The following TMEM108 variants were observed in gnomAD, a reference collection of about 807,000 sequenced individuals.
The protein encoded by TMEM108 is transmembrane protein 108.
A neutral mutation model predicts 35.1 loss-of-function variants in TMEM108; 12 were observed. That is an observed-to-expected ratio of 0.34 (90% CI 0.22 to 0.55). The LOEUF is 0.55. TMEM108 is among the 20% of genes least tolerant of loss of function. The pLI, the probability that TMEM108 is intolerant of heterozygous loss-of-function variation, is 0.89. For synonymous variants in TMEM108, 287 were observed against 308.6 expected (o/e 0.93, Z 0.73); for missense variants, 680 against 753.3 (o/e 0.90, Z 1.14).
chr3:133,381,805 G>C (rs2073020509), intron 4 of TMEM108, among the ~76,000 whole-genome samples: 1 of 152,154 alleles, frequency 6.6e-6, no homozygotes, highest in South Asian at 2.1e-4. Flanking sequence ...CAAAAACCTA[G>C]TTCTTGCAGC....
chr3:133,309,845 C>T (rs919672854), intron 3 of TMEM108, among the ~76,000 whole-genome samples: 2 of 151,728 alleles, frequency 1.3e-5, no homozygotes, highest in Non-Finnish European at 2.9e-5. Flanking sequence ...GGACTACAGG[C>T]GCCAGCCGCT....
chr3:133,201,927 G>A (rs1366044252), intron 2 of TMEM108, among the ~76,000 whole-genome samples: 3 of 152,144 alleles, frequency 2.0e-5, no homozygotes, highest in Admixed American at 1.3e-4. Context: ...TGGTTTAAAA[G>A]CGTTCCTATT....
intron 2 of TMEM108, among the ~76,000 whole-genome samples, chr3:133,141,690 C>G (rs544025631): frequency 1.3e-5 from 2 of 152,224 alleles, no homozygotes; most frequent in East Asian, 3.9e-4. Context: ...TGAACAGTCC[C>G]TGCTGCTGGC....
chr3:133,059,490 G>C (rs1943511697), intron 2 of TMEM108, among the ~76,000 whole-genome samples: 1 of 152,036 alleles, frequency 6.6e-6, no homozygotes, highest in South Asian at 2.1e-4. Flanking sequence ...TTATAACTCT[G>C]TGAAGAACCT....
chr3:133,113,066 G>T (rs193170806), intron 2 of TMEM108, among the ~76,000 whole-genome samples: 42 of 152,222 alleles, frequency 2.8e-4, no homozygotes, highest in Admixed American at 2.4e-3. Flanking sequence ...CACTAAGTTT[G>T]CTTGTGGAAG....
intron 2 of TMEM108, among the ~76,000 whole-genome samples, chr3:133,057,730 A>G (rs967856714): frequency 2.6e-5 from 4 of 152,150 alleles, no homozygotes; most frequent in African/African-American, 9.7e-5. Flanking sequence ...TATTCTTCTC[A>G]GATACCCTTT....
At position 133,380,574 on chromosome 3, in the gene TMEM108, G is replaced by A. The variant is rs977061115; in HGVS notation, c.863G>A (p.Gly288Asp). The part of the protein sequence containing the change: ...PGLRRAAQGG[G>D]STFTSQGGTP... Reference sequence around the variant, plus strand: ...CTTCGCAGAGCAGCCCAGGGGGGTGGTTCTACCTTCACCAGCCAAGGAGGG... The same window carrying A: ...CTTCGCAGAGCAGCCCAGGGGGGTGATTCTACCTTCACCAGCCAAGGAGGG... The change falls in exon 4 of 6, where the codon GGT (glycine) becomes GAT (aspartate). Residue 288 changes from glycine to aspartate, a missense_variant. Physicochemically the swap from Gly to Asp is moderately conservative, Grantham distance 94. Around this residue, in one of 3 missense-constraint regions of TMEM108, gnomAD observed 526 missense variants for 532.1 expected, o/e 0.99. Transcript: ENST00000321871. This position sits in a 1 kb window ranked among gnomAD's most constrained non-coding sequence, Gnocchi z 5.3. The A allele has an allele frequency of 6.2e-7, 1 of 1,613,338 alleles. No homozygotes were observed. Among genetic ancestry groups the A allele is most frequent in the Non-Finnish European group, 8.5e-7 (1 of 1,179,576 alleles).
intron 2 of TMEM108, among the ~76,000 whole-genome samples, chr3:133,063,898 G>A (rs1172007313): frequency 6.6e-6 from 1 of 152,100 alleles, no homozygotes; most frequent in Non-Finnish European, 1.5e-5. Flanking sequence ...GAACAGTAGA[G>A]GTCATGGAAC....
chr3:133,163,799 G>C (rs985875535), intron 2 of TMEM108, among the ~76,000 whole-genome samples: 3 of 152,146 alleles, frequency 2.0e-5, no homozygotes, highest in African/African-American at 7.2e-5. Flanking sequence ...ATTGGGTGTA[G>C]CATCCTCCTC....
intron 3 of TMEM108, among the ~76,000 whole-genome samples, chr3:133,298,193 A>G (rs1947172243): frequency 1.3e-5 from 2 of 152,064 alleles, no homozygotes; most frequent in African/African-American, 4.8e-5. Flanking sequence ...TTTCTCTTTG[A>G]AGATAGTTTT....
At chr3:133,326,002 A>G (rs1182961221) in intron 3 of TMEM108, among the ~76,000 whole-genome samples, 2 of 152,180 alleles carry the variant, frequency 1.3e-5, no homozygotes, top group Non-Finnish European at 2.9e-5. Flanking sequence ...AATAAATAAG[A>G]TTGACCACAT....
chr3:133,221,051 G>A (rs1945982999), intron 2 of TMEM108, among the ~76,000 whole-genome samples: 1 of 152,166 alleles, frequency 6.6e-6, no homozygotes, highest in South Asian at 2.1e-4. Context: ...TGGAGTTGGG[G>A]TATACCACCC....
At chr3:133,291,405 C>T (rs898698191) in intron 3 of TMEM108, among the ~76,000 whole-genome samples, 6 of 152,080 alleles carry the variant, frequency 3.9e-5, no homozygotes, top group East Asian at 1.9e-4. Flanking sequence ...CTCAGCCTCC[C>T]GTGTAGCTGG....
chr3:133,191,955 A>G (rs982601959), intron 2 of TMEM108, among the ~76,000 whole-genome samples: 2 of 152,184 alleles, frequency 1.3e-5, no homozygotes, highest in African/African-American at 2.4e-5. Flanking sequence ...TGGTGCTGAC[A>G]TGCCAGAGTG....
chr3:133,278,592 A>G (rs1380602325), intron 3 of TMEM108, among the ~76,000 whole-genome samples: 1 of 152,250 alleles, frequency 6.6e-6, no homozygotes, highest in East Asian at 1.9e-4. Context: ...ATGTTACTGT[A>G]CTGAATACTA....
At chr3:133,079,579 G>T (rs550201438) in intron 2 of TMEM108, among the ~76,000 whole-genome samples, 1 of 152,218 alleles carries the variant, frequency 6.6e-6, no homozygotes, top group South Asian at 2.1e-4. Context: ...CTCTTACAAG[G>T]GCACTCATCC....
chr3:133,085,230 T>A (rs1943866562), intron 2 of TMEM108, among the ~76,000 whole-genome samples: 1 of 152,192 alleles, frequency 6.6e-6, no homozygotes, highest in East Asian at 1.9e-4. Context: ...TCTTGCCTCT[T>A]TATCTGAAAT....
chr3:133,352,168 G>A (rs1267625256), intron 3 of TMEM108, among the ~76,000 whole-genome samples: 2 of 152,068 alleles, frequency 1.3e-5, no homozygotes, highest in Non-Finnish European at 2.9e-5. Context: ...ACAGAACATA[G>A]CTTCATTGGG....
chr3:133,174,787 A>G (rs1327547437), intron 2 of TMEM108, among the ~76,000 whole-genome samples: 1 of 152,240 alleles, frequency 6.6e-6, no homozygotes, highest in Non-Finnish European at 1.5e-5. Context: ...CTCCAAAGGA[A>G]CGCAGCTCCT....
Sources: gnomAD v4.1 joint callset for allele counts (sites outside exome capture counted in the v4.1 genomes callset) on GRCh38, gnomAD v4.1.1 for gene constraint, gnomAD v4.1.1 regional missense constraint, Gnocchi (gnomAD v3.1) non-coding constraint, MANE v1.5 for transcripts, NCBI Gene and HGNC (gene_info 2026-07-23, HGNC 2026-07-21) for gene names.